SUGCT: variants seen among roughly 807,000 people sequenced by gnomAD.
SUGCT encodes succinyl-CoA:glutarate CoA-transferase.
Under a neutral mutation model 55.0 loss-of-function variants are expected in SUGCT, and 41 were observed. That is an observed-to-expected ratio of 0.74 (90% CI 0.58 to 0.97). The LOEUF (loss-of-function observed/expected upper bound fraction) is 0.97. SUGCT is among the 50% of genes least tolerant of loss of function. The pLI, the probability that SUGCT is intolerant of heterozygous loss-of-function variation, is 0.00. For synonymous variants in SUGCT, 187 were observed against 200.4 expected, an observed-to-expected ratio of 0.93 and a Z score of 0.56; for missense variants, 568 against 547.8, an observed-to-expected ratio of 1.04 and a Z score of -0.37.
chr7:40,717,028 C>T (rs912507824), intron 12 of SUGCT, among the ~76,000 whole-genome samples: 6 of 152,148 alleles, frequency 3.9e-5, no homozygotes, highest in African/African-American at 1.2e-4. Context: ...GTCATCTGCT[C>T]ACCTCTACTG....
the SUGCT span, among the ~76,000 whole-genome samples, chr7:40,995,321 T>C: frequency 1.3e-5 from 2 of 152,042 alleles, no homozygotes; most frequent in East Asian, 3.9e-4. Context: ...CCTAGACACA[T>C]ACACACATTT....
At chr7:40,161,245 A>G (rs1784130318) in intron 1 of SUGCT, among the ~76,000 whole-genome samples, 1 of 152,202 alleles carries the variant, frequency 6.6e-6, no homozygotes, top group Admixed American at 6.5e-5. Flanking sequence ...TAAAAACAAA[A>G]TCAAATCATA....
chr7:41,003,684 C>T, the SUGCT span, among the ~76,000 whole-genome samples: 1 of 152,178 alleles, frequency 6.6e-6, no homozygotes, highest in Non-Finnish European at 1.5e-5. Context: ...ATAGCTATCT[C>T]TCTCTAGCTG....
intron 6 of SUGCT, among the ~76,000 whole-genome samples, chr7:40,235,783 C>A (rs1189900103): frequency 6.6e-6 from 1 of 152,112 alleles, no homozygotes; most frequent in Non-Finnish European, 1.5e-5. Context: ...ATAAATCTAA[C>A]AAATAATGGT....
intron 9 of SUGCT, among the ~76,000 whole-genome samples, chr7:40,440,097 A>G (rs1221482930): frequency 6.8e-6 from 1 of 146,568 alleles, no homozygotes; most frequent in Non-Finnish European, 1.5e-5. Context: ...GATGACTTCA[A>G]TTATAGATAA....
intron 11 of SUGCT, among the ~76,000 whole-genome samples, chr7:40,490,216 C>A (rs902411527): frequency 2.0e-5 from 3 of 152,174 alleles, no homozygotes; most frequent in Non-Finnish European, 4.4e-5. Flanking sequence ...GTGTTTCCTG[C>A]AGCATAATGT....
intron 8 of SUGCT, among the ~76,000 whole-genome samples, chr7:40,312,103 G>T (rs570688569): frequency 6.6e-6 from 1 of 150,928 alleles, no homozygotes; most frequent in African/African-American, 2.4e-5. Flanking sequence ...GCAATGGCGC[G>T]ATCTCGGCTC....
Position 40,182,035 on chromosome 7 carries a change from C to A in SUGCT, c.226+7C>A. 2.0e-6 allele frequency: 3 copies of A among 1,497,246 alleles called. No homozygotes were observed. Among genetic ancestry groups the A allele is most frequent in the Non-Finnish European group, 1.8e-6 (2 of 1,096,276 alleles). 92.7% of individuals were successfully genotyped at this position (1,497,246 alleles called of 1,614,324 possible). A position where few individuals can be genotyped will look rare whatever the true frequency, so the allele number is the denominator to read the frequency against. ...ATAAAAGTGGAGAGACCAGGTAAAG[C>A]TATTACTCCCTTTAAAAAATAGAAA... On this transcript the variant is annotated splice_region_variant and intron_variant, in intron 3 of 13. Transcript: ENST00000335693.
chr7:40,277,407 C>T (rs1226375853), intron 8 of SUGCT, among the ~76,000 whole-genome samples: 1 of 151,510 alleles, frequency 6.6e-6, no homozygotes, highest in Non-Finnish European at 1.5e-5. Context: ...CCAGGCTGGT[C>T]TTGAACTCCT....
At chr7:40,931,794 C>A in the SUGCT span, among the ~76,000 whole-genome samples, 2 of 152,124 alleles carry the variant, frequency 1.3e-5, no homozygotes, top group Non-Finnish European at 2.9e-5. Flanking sequence ...TTTATTGCAT[C>A]TATTTGATTC....
chr7:40,228,247 T>C (rs1408095380), intron 6 of SUGCT, among the ~76,000 whole-genome samples: 2 of 152,266 alleles, frequency 1.3e-5, no homozygotes, highest in African/African-American at 4.8e-5. Flanking sequence ...TTTTTCAGAT[T>C]TTTCCCAATT....
the SUGCT span, among the ~76,000 whole-genome samples, chr7:40,952,371 G>C: frequency 6.6e-6 from 1 of 152,096 alleles, no homozygotes; most frequent in Non-Finnish European, 1.5e-5. Flanking sequence ...TGGGTTTCCT[G>C]AATACAGCAC....
At chr7:40,323,402 T>A (rs1795851202) in intron 9 of SUGCT, among the ~76,000 whole-genome samples, 1 of 152,104 alleles carries the variant, frequency 6.6e-6, no homozygotes, top group Admixed American at 6.5e-5. Flanking sequence ...AATGCATTAT[T>A]ATCATTATTT....
At chr7:40,956,761 A>G in the SUGCT span, among the ~76,000 whole-genome samples, 1 of 152,198 alleles carries the variant, frequency 6.6e-6, no homozygotes, top group Admixed American at 6.5e-5. Context: ...ATTTAGTGCT[A>G]TAAATTTCCC....
chr7:40,778,231 C>T (rs1789560451), intron 13 of SUGCT, among the ~76,000 whole-genome samples: 1 of 118,138 alleles, frequency 8.5e-6, no homozygotes, highest in Admixed American at 9.0e-5. Context: ...CTGCCTTCTA[C>T]AGACTCTAGT....
At chr7:40,920,595 ATTG>A in the SUGCT span, among the ~76,000 whole-genome samples, 1 of 152,042 alleles carries the variant, frequency 6.6e-6, no homozygotes, top group African/African-American at 2.4e-5. Flanking sequence ...CTTCAGTTTT[ATTG>A]TTGTTTGTCA....
intron 9 of SUGCT, among the ~76,000 whole-genome samples, chr7:40,322,559 T>A (rs1051481215): frequency 2.0e-5 from 3 of 152,194 alleles, no homozygotes; most frequent in African/African-American, 4.8e-5. Context: ...CACAGTTTAT[T>A]GTGCTCCTGG....
At chr7:40,343,935 C>T (rs539648086) in intron 9 of SUGCT, among the ~76,000 whole-genome samples, 1 of 152,180 alleles carries the variant, frequency 6.6e-6, no homozygotes, top group African/African-American at 2.4e-5. Context: ...GGATTACAGG[C>T]GTGAGTCACC....
chr7:40,180,151 G>A (rs1230277960), intron 1 of SUGCT, among the ~76,000 whole-genome samples: 1 of 151,176 alleles, frequency 6.6e-6, no homozygotes. Flanking sequence ...TTGAGACGGT[G>A]TCTTGCTGTG....
Sources: allele counts gnomAD v4.1 joint callset (sites outside exome capture counted in the v4.1 genomes callset), GRCh38; gene constraint gnomAD v4.1.1; transcripts MANE v1.5; gene names NCBI Gene and HGNC (gene_info 2026-07-23, HGNC 2026-07-21).